STXBP6: variants seen among roughly 807,000 people sequenced by gnomAD.
The protein encoded by STXBP6 is syntaxin binding protein 6.
A neutral mutation model predicts 26.9 loss-of-function variants in STXBP6; 21 were observed. The ratio of observed to expected loss-of-function variants is 0.78; its 90% CI spans 0.55 to 1.12. The LOEUF (loss-of-function observed/expected upper bound fraction) is 1.12. Among genes scored for constraint, STXBP6 ranks in the 50% most tolerant of loss-of-function variants. STXBP6 has a pLI of 0.00. For synonymous variants in STXBP6, 97 were observed against 92.6 expected, an observed-to-expected ratio of 1.05 and a Z score of -0.27; for missense variants, 232 against 257.9, an observed-to-expected ratio of 0.90 and a Z score of 0.69.
intron 4 of STXBP6, among the ~76,000 whole-genome samples, chr14:24,831,717 G>C (rs1230945194): frequency 6.6e-6 from 1 of 152,096 alleles, no homozygotes; most frequent in African/African-American, 2.4e-5. Context: ...AGCCCAAATT[G>C]GTTCTTAGAG....
intron 1 of STXBP6, among the ~76,000 whole-genome samples, chr14:24,980,978 C>T (rs1262309117): frequency 6.6e-6 from 1 of 152,194 alleles, no homozygotes; most frequent in Admixed American, 6.5e-5. Context: ...AACTTGTTTT[C>T]TGAATGACTT....
At chr14:24,902,071 A>C (rs2071233583) in intron 2 of STXBP6, among the ~76,000 whole-genome samples, 1 of 152,202 alleles carries the variant, frequency 6.6e-6, no homozygotes, top group Admixed American at 6.5e-5. Context: ...ATTTTCCATT[A>C]ATTTGATATC....
intron 4 of STXBP6, among the ~76,000 whole-genome samples, chr14:24,820,315 T>C (rs2068100306): frequency 6.6e-6 from 1 of 152,190 alleles, no homozygotes; most frequent in South Asian, 2.1e-4. Context: ...TTCTCCTCTG[T>C]GGGCACAGTC....
chr14:25,009,114 C>G (rs1434170837), intron 1 of STXBP6, among the ~76,000 whole-genome samples: 1 of 152,124 alleles, frequency 6.6e-6, no homozygotes, highest in Non-Finnish European at 1.5e-5. Flanking sequence ...AAGATCACTT[C>G]TAGTTAATTT....
At chr14:24,935,553 T>C (rs149430922) in intron 2 of STXBP6, among the ~76,000 whole-genome samples, 20 of 152,304 alleles carry the variant, frequency 1.3e-4, no homozygotes, top group African/African-American at 4.8e-5. Context: ...TGTGGAGATA[T>C]GTGTGGTGAA....
At chr14:24,976,453 T>C (rs999511896) in intron 1 of STXBP6, among the ~76,000 whole-genome samples, 1 of 152,240 alleles carries the variant, frequency 6.6e-6, no homozygotes. Flanking sequence ...CTAGAAATTA[T>C]AGATCTAATA....
intron 1 of STXBP6, among the ~76,000 whole-genome samples, chr14:25,003,279 C>T (rs1435536713): frequency 1.3e-5 from 2 of 152,156 alleles, no homozygotes; most frequent in Non-Finnish European, 1.5e-5. Flanking sequence ...GATGAAACCT[C>T]TAATACCAAG....
intron 2 of STXBP6, among the ~76,000 whole-genome samples, chr14:24,902,653 T>C (rs1002451425): frequency 1.1e-4 from 12 of 105,258 alleles, no homozygotes; most frequent in African/African-American, 3.0e-4. Flanking sequence ...TATTTGTCTC[T>C]TTCTTTCCAT....
intron 2 of STXBP6, among the ~76,000 whole-genome samples, chr14:24,898,393 G>T (rs1195030264): frequency 1.3e-5 from 2 of 152,100 alleles, no homozygotes; most frequent in Admixed American, 6.5e-5. Flanking sequence ...AAACGGGAAG[G>T]GATGGCTGGG....
intron 2 of STXBP6, among the ~76,000 whole-genome samples, chr14:24,966,903 A>G (rs1326031720): frequency 6.6e-6 from 1 of 152,232 alleles, no homozygotes; most frequent in Non-Finnish European, 1.5e-5. Context: ...CCACCCAGCC[A>G]AAACCAACCA....
At position 24,974,728 on chromosome 14, in the gene STXBP6, T is replaced by C; in HGVS notation, c.91A>G (p.Lys31Glu). ...CCAGTTGCCAAGAAAGGAATCTTTT[T>C]CTTTGTCCTCCTCTTGACTTGGACA... The part of the protein sequence containing the change: ...GAVQVKRRTK[K>E]KIPFLATGGQ... Residue 31 changes from lysine to glutamate, a missense_variant, in exon 2 of 6, where the codon AAA (lysine) becomes GAA (glutamate). Lys to Glu is a moderately conservative substitution (Grantham distance 56). Transcript: ENST00000323944. 1 of 1,586,054 alleles carries C rather than the reference T, an allele frequency of 6.3e-7. No individual in the cohort carries two copies. The highest frequency in any genetic ancestry group is 8.6e-7 in the Non-Finnish European group (1 of 1,163,188).
At chr14:25,039,003 G>A (rs2075599253) in intron 1 of STXBP6, among the ~76,000 whole-genome samples, 1 of 150,670 alleles carries the variant, frequency 6.6e-6, no homozygotes, top group East Asian at 1.9e-4. Flanking sequence ...TGCTAACAGA[G>A]TAGATTTTAA....
chr14:24,815,244 A>G (rs1317629707), intron 5 of STXBP6, among the ~76,000 whole-genome samples: 1 of 152,102 alleles, frequency 6.6e-6, no homozygotes, highest in Non-Finnish European at 1.5e-5. Context: ...GCCAATGGAT[A>G]AATTTAGGTG....
rs563504186 is a variant in STXBP6, at chr14:24,949,247, T to C, written c.154+25418A>G. Among the ~76,000 whole-genome samples, 23 of 152,356 alleles carry C rather than the reference T, an allele frequency of 1.5e-4. No homozygotes were observed. The South Asian group carries it at 4.8e-3, about 32-fold the overall frequency. On this transcript the variant is annotated intron_variant, in intron 2 of 5. Coordinates refer to ENST00000323944, the MANE Select transcript of STXBP6 (RefSeq NM_001394410.1). Reference sequence around the variant, plus strand: ...TTATTTAAAAATATTAATAGAAGTGTAAAATGCCTGAGCCAGAAGGGGAGC... The same window carrying C: ...TTATTTAAAAATATTAATAGAAGTGCAAAATGCCTGAGCCAGAAGGGGAGC...
intron 1 of STXBP6, among the ~76,000 whole-genome samples, chr14:25,028,855 C>T (rs969632661): frequency 6.6e-6 from 1 of 152,192 alleles, no homozygotes; most frequent in South Asian, 2.1e-4. Context: ...GAAGCTGATT[C>T]TAAACCTCAT....
chr14:24,889,006 C>A (rs2139507398), intron 2 of STXBP6, among the ~76,000 whole-genome samples: 1 of 152,142 alleles, frequency 6.6e-6, no homozygotes, highest in South Asian at 2.1e-4. Flanking sequence ...GATTAGAAAA[C>A]CCTTCCCTGG....
At chr14:24,955,091 A>G (rs982412970) in intron 2 of STXBP6, among the ~76,000 whole-genome samples, 1 of 152,212 alleles carries the variant, frequency 6.6e-6, no homozygotes, top group Non-Finnish European at 1.5e-5. Context: ...GTGTTCAGTT[A>G]TTGTTAACTA....
At chr14:24,827,690 A>G (rs967519125) in intron 4 of STXBP6, among the ~76,000 whole-genome samples, 21 of 152,138 alleles carry the variant, frequency 1.4e-4, no homozygotes, top group African/African-American at 4.8e-4. Context: ...AGTAGCCTGG[A>G]TGTTGTTCCT....
chr14:25,005,605 A>T (rs1443644066), intron 1 of STXBP6, among the ~76,000 whole-genome samples: 1 of 152,204 alleles, frequency 6.6e-6, no homozygotes, highest in Non-Finnish European at 1.5e-5. Context: ...GTGCACACAG[A>T]ATGCTTACAC....
Sources: allele counts gnomAD v4.1 joint callset (sites outside exome capture counted in the v4.1 genomes callset), GRCh38; gene constraint gnomAD v4.1.1; transcripts MANE v1.5; gene names NCBI Gene and HGNC (gene_info 2026-07-23, HGNC 2026-07-21).